The following SPTB variants were observed in gnomAD, a reference collection of about 807,000 sequenced individuals.
The protein encoded by SPTB is spectrin beta chain, erythrocytic.
In SPTB, 45 loss-of-function variants were observed where a neutral mutation model predicts 256.2. The observed-to-expected ratio is 0.18, with a 90% confidence interval of 0.14 to 0.23. The LOEUF is 0.23. SPTB is among the 10% of genes least tolerant of loss of function. SPTB has a pLI of 1.00. For missense variants in SPTB, 2,715 were observed against 3,040.4 expected (o/e 0.89, Z 2.52); for synonymous variants, 1,231 against 1,243.1 (o/e 0.99, Z 0.21).
Position 64,779,176 on chromosome 14 carries a change from A to C in SPTB, c.4544T>G (p.Leu1515Arg). ...DYGTNLQTVQLFMKKNQTLQN... is the reference protein window; with the variant it reads ...DYGTNLQTVQRFMKKNQTLQN... ...ACTCACCTGGTTCTTCTTCATGAAC[A>C]GTTGCACAGTTTGCAGATTAGTGCC... Residue 1515 changes from leucine (L) to arginine (R), a missense_variant, in exon 22 of 36, where the codon CTG (leucine) becomes CGG (arginine). Leu to Arg is a moderately radical substitution (Grantham distance 102, BLOSUM62 -2). Coordinates refer to ENST00000644917, the MANE Select transcript of SPTB (RefSeq NM_001355436.2). This position sits in a 1 kb window ranked among gnomAD's most constrained non-coding sequence, Gnocchi z 4.2. The C allele has an allele frequency of 1.2e-6, 2 of 1,614,048 alleles. No individual in the cohort carries two copies. The highest frequency in any genetic ancestry group is 1.7e-6 in the Non-Finnish European group (2 of 1,179,956).
chr14:64,871,951 T>C (rs1882555977), intron 1 of SPTB, among the ~76,000 whole-genome samples: 1 of 152,228 alleles, frequency 6.6e-6, no homozygotes, highest in African/African-American at 2.4e-5. Flanking sequence ...TTCTCCCATA[T>C]CTTAATCTCC....
At chr14:64,794,360 C>T in intron 13 of SPTB, 107 bp downstream of exon 13, 1 of 1,445,296 alleles carries the variant, frequency 6.9e-7, no homozygotes, top group Non-Finnish European at 9.6e-7. Context: ...ATGAAAGTAA[C>T]AGAACTTTAA....
intron 26 of SPTB, among the ~76,000 whole-genome samples, chr14:64,771,797 C>T (rs2082282752): frequency 6.6e-6 from 1 of 152,210 alleles, no homozygotes; most frequent in Non-Finnish European, 1.5e-5. Flanking sequence ...AGGACACTTC[C>T]CTAAGAGGTC....
chr14:64,830,115 C>T (rs1175025503), intron 1 of SPTB, among the ~76,000 whole-genome samples: 2 of 152,052 alleles, frequency 1.3e-5, no homozygotes, highest in African/African-American at 4.8e-5. Flanking sequence ...CTGCTTAACT[C>T]TATAGAACTT....
rs184925790 is a variant in SPTB at position 64,825,453 on chromosome 14, C to A, written c.-51-2308G>T. 9.7e-4 allele frequency among the ~76,000 whole-genome samples: 144 copies of A among 147,754 alleles called. No individual in the cohort carries two copies. Among genetic ancestry groups the A allele is most frequent in the Non-Finnish European group, 1.7e-3 (113 of 66,026 alleles). ...GATAGCCGGGAAAGATACCCCCCAC[C>A]CCCGGCCCCACACCTTTCTCTATTT... On this transcript the variant is annotated intron_variant, in intron 1 of 35. Coordinates refer to ENST00000644917, the MANE Select transcript of SPTB (RefSeq NM_001355436.2). The surrounding 1 kb of genome is among the most constrained non-coding windows in gnomAD (Gnocchi z 4.8).
chr14:64,786,258 G>A lies in SPTB; in HGVS notation c.3561+146C>T. On this transcript the variant is annotated intron_variant, in intron 16 of 35. Coordinates refer to ENST00000644917, the MANE Select transcript of SPTB (RefSeq NM_001355436.2). This position sits in a 1 kb window ranked among gnomAD's most constrained non-coding sequence, Gnocchi z 5.6. ...CACAAGGCTGGAAAAGGCCCCTAATGAGAAACAAAGATTTCCCCCATGAGT... is the reference window on the plus strand; with the variant it reads ...CACAAGGCTGGAAAAGGCCCCTAATAAGAAACAAAGATTTCCCCCATGAGT... 2 of 1,240,920 alleles carry A rather than the reference G, an allele frequency of 1.6e-6. No homozygotes were observed. The highest frequency in any genetic ancestry group is 2.4e-5 in the South Asian group (2 of 82,584). The allele number at this position is 1,240,920 out of a possible 1,614,324, so 76.9% of individuals were successfully genotyped here. A position where few individuals can be genotyped will look rare whatever the true frequency, so the allele number is the denominator to read the frequency against.
intron 33 of SPTB, among the ~76,000 whole-genome samples, chr14:64,751,611 C>T (rs966659416): frequency 2.0e-5 from 3 of 152,048 alleles, no homozygotes; most frequent in Non-Finnish European, 4.4e-5. Context: ...AGAACTATTA[C>T]GTCTTAAGAC....
rs1328129166 is a variant in SPTB, at chr14:64,759,231, G to A, written c.6346-5438C>T. On this transcript the variant is annotated intron_variant, in intron 32 of 35. Transcript: ENST00000644917. The surrounding 1 kb of genome is among the most constrained non-coding windows in gnomAD (Gnocchi z 4.8). ...AAGGGCACCACAGGTGGTGTGGGAA[G>A]GCAGGGAGCCAAGTAGCTAGGCAGG... 1.8e-5 allele frequency among the ~76,000 whole-genome samples: 2 copies of A among 109,036 alleles called. No individual in the cohort carries two copies. Among genetic ancestry groups the A allele is most frequent in the African/African-American group, 8.2e-5 (2 of 24,508 alleles). The allele number at this position is 109,036 out of a possible 152,430, so 71.5% of individuals were successfully genotyped here. A position where few individuals can be genotyped will look rare whatever the true frequency, so the allele number is the denominator to read the frequency against.
In SPTB at chr14:64,766,365, G is replaced by C. The variant is rs576578021; in HGVS notation, c.6345+361C>G. The stretch of plus-strand genomic sequence containing the variant: ...GAAGGAGTTGGAAAATGGGGAAAAG[G>C]ACGGTGTACAGAAATGCACTAATCA... On this transcript the variant is annotated intron_variant, in intron 32 of 35. Transcript: ENST00000644917. 44 of 1,275,212 alleles carry C rather than the reference G, an allele frequency of 3.5e-5. 1 individual carries two copies. The South Asian group carries it at 6.1e-4, about 18-fold the overall frequency. 79.0% of individuals were successfully genotyped at this position (1,275,212 alleles called of 1,614,324 possible). A position where few individuals can be genotyped will look rare whatever the true frequency, so the allele number is the denominator to read the frequency against.
Position 64,786,889 on chromosome 14 carries a change from G to A in SPTB, c.3076C>T (p.Pro1026Ser). 6.2e-7 allele frequency: 1 copy of A among 1,612,832 alleles called. No individual in the cohort carries two copies. Among genetic ancestry groups the A allele is most frequent in the Non-Finnish European group, 8.5e-7 (1 of 1,180,012 alleles). ...RESQQLMDSHPEQKEDIGQRQ... is the reference protein window; with the variant it reads ...RESQQLMDSHSEQKEDIGQRQ... ...TGACCAATATCCTCCTTCTGCTCAG[G>A]GTGCGAGTCCATCAGCTGCTGGGAC... The change falls in exon 16 of 36, where the codon CCT (proline) becomes TCT (serine). Residue 1026 changes from proline to serine, a missense_variant. Pro to Ser is a moderately conservative substitution (Grantham distance 74). Coordinates refer to ENST00000644917, the MANE Select transcript of SPTB (RefSeq NM_001355436.2). This position sits in a 1 kb window ranked among gnomAD's most constrained non-coding sequence, Gnocchi z 5.6.
At position 64,877,493 on chromosome 14, in the gene SPTB, TA is replaced by T. The variant is rs1333858388; in HGVS notation, c.-52+2298del. The stretch of plus-strand genomic sequence containing the variant: ...ATTAGCTGGGTAATATGAGGCAAGT[TA>T]TTTAATCTTCCTGAACCTGTTTCCT... On this transcript the variant is annotated intron_variant, in intron 1 of 35. Transcript: ENST00000644917. 3.9e-5 allele frequency among the ~76,000 whole-genome samples: 6 copies of T among 152,354 alleles called. No individual in the cohort carries two copies. The South Asian group carries it at 1.2e-3, about 32-fold the overall frequency.
chr14:64,795,431 A>G lies in SPTB; in HGVS notation c.1550T>C (p.Leu517Pro). Residue 517 changes from leucine to proline, a missense_variant, in exon 12 of 36, where the codon CTG becomes CCG. Leu to Pro is a moderately conservative substitution (Grantham distance 98). Coordinates refer to ENST00000644917, the MANE Select transcript of SPTB (RefSeq NM_001355436.2). This position sits in a 1 kb window ranked among gnomAD's most constrained non-coding sequence, Gnocchi z 6.5. The stretch of plus-strand genomic sequence containing the variant: ...CTCGAGCCTCTGGCGCCGGGACTGC[A>G]GCAGCTCCTGCAGGTAGCTCCATAG... ...LRLWSYLQEL[L>P]QSRRQRLETT... 6.2e-7 allele frequency: 1 copy of G among 1,614,204 alleles called. No homozygotes were observed. Among genetic ancestry groups the G allele is most frequent in the Non-Finnish European group, 8.5e-7 (1 of 1,180,022 alleles).
Position 64,749,961 on chromosome 14 carries a change from AAAGGCCAGG to A in SPTB, c.6776+11_6776+19del. 1 of 1,614,186 alleles carries A rather than the reference AAAGGCCAGG, an allele frequency of 6.2e-7. No homozygotes were observed. The highest frequency in any genetic ancestry group is 1.1e-5 in the South Asian group (1 of 91,092). On this transcript the variant is annotated intron_variant, in intron 34 of 35. Coordinates refer to ENST00000644917, the MANE Select transcript of SPTB (RefSeq NM_001355436.2). This position sits in a 1 kb window ranked among gnomAD's most constrained non-coding sequence, Gnocchi z 4.7. ...AATCAAGCCATCAACCCGAGCTTTC[AAAGGCCAGG>A]AAGGCCTCACCTCAGCTTAAAGACG...
intron 1 of SPTB, among the ~76,000 whole-genome samples, chr14:64,857,515 CTGCAGTGAGCCATAA>C (rs2083891972): frequency 7.3e-6 from 1 of 136,428 alleles, no homozygotes; most frequent in Non-Finnish European, 1.5e-5. Flanking sequence ...GAAGTTGAGG[CTGCAGTGAGCCATAA>C]TCACACCACT....
rs185598358 is a variant in SPTB at position 64,748,738 on chromosome 14, A to C, written c.*568T>G. On this transcript the variant is annotated 3_prime_UTR_variant, in exon 36 of 36. Transcript: ENST00000644917. ...CCCAGTCTGGTCCCCTCAGCCCCCC[A>C]GAGCCCCTGGCCCAGAGCTAGGGCT... is the stretch of plus-strand genomic sequence containing the variant. The C allele has an allele frequency of 1.3e-5, 2 of 154,658 alleles. No individual in the cohort carries two copies. The highest frequency in any genetic ancestry group is 4.8e-5 in the African/African-American group (2 of 41,592). The allele number at this position is 154,658 out of a possible 1,614,324, so 9.6% of individuals were successfully genotyped here.
At position 64,785,707 on chromosome 14, in the gene SPTB, G is replaced by A. The variant is rs202231916; in HGVS notation, c.3764+42C>T. The A allele has an allele frequency of 3.3e-5, 54 of 1,612,720 alleles. 1 individual carries two copies. Among genetic ancestry groups the A allele is most frequent in the Middle Eastern group, 1.6e-4 (1 of 6,082 alleles). On this transcript the variant is annotated intron_variant, in intron 17 of 35. Coordinates refer to ENST00000644917, the MANE Select transcript of SPTB (RefSeq NM_001355436.2). This position sits in a 1 kb window ranked among gnomAD's most constrained non-coding sequence, Gnocchi z 4.4. ...CAAGCTTGGGGTCCTCACTACCCCC[G>A]TGTGGCTCTGGGGGCCTCGTGGCCC...
intron 2 of SPTB, among the ~76,000 whole-genome samples, chr14:64,817,851 C>T (rs947718242): frequency 1.4e-4 from 21 of 152,210 alleles, no homozygotes; most frequent in African/African-American, 3.6e-4. Flanking sequence ...CAGCAGCATC[C>T]GAGGAATGTC....
rs2082899012 is a variant in SPTB, at chr14:64,802,171, G to C, written c.566+55C>G. ...TGTCCCTCTGGAGATGGCAGTGCTT[G>C]TGCGGAGCAAGGGGCTGGTGGTGGA... On this transcript the variant is annotated intron_variant, in intron 5 of 35. Transcript: ENST00000644917. The surrounding 1 kb of genome is among the most constrained non-coding windows in gnomAD (Gnocchi z 5.1). 3.9e-6 allele frequency: 6 copies of C among 1,531,594 alleles called. No individual in the cohort carries two copies. In the South Asian group the frequency reaches 6.7e-5, roughly 17 times the overall value. The allele number at this position is 1,531,594 out of a possible 1,614,324, so 94.9% of individuals were successfully genotyped here.
rs1388745080 is a variant in SPTB at position 64,786,462 on chromosome 14, A to G, written c.3503T>C (p.Leu1168Pro). 6.2e-7 allele frequency: 1 copy of G among 1,614,126 alleles called. No homozygotes were observed. The highest frequency in any genetic ancestry group is 1.7e-5 in the Admixed American group (1 of 60,016). ...ESRSHTLAQC[L>P]GFQEFQKDAK... The stretch of plus-strand genomic sequence containing the variant: ...ATCTTTCTGGAACTCCTGGAAGCCA[A>G]GGCACTGAGCGAGGGTGTGGCTGCG... The change falls in exon 16 of 36, where the codon CTT becomes CCT. Residue 1168 changes from leucine (L) to proline (P), a missense_variant. Around this residue, in one of 4 missense-constraint regions of SPTB, gnomAD observed 2,239 missense variants for 2,384.4 expected, o/e 0.94. Transcript: ENST00000644917. The surrounding 1 kb of genome is among the most constrained non-coding windows in gnomAD (Gnocchi z 5.6).
Sources: gnomAD v4.1 joint callset for allele counts (sites outside exome capture counted in the v4.1 genomes callset) on GRCh38, gnomAD v4.1.1 for gene constraint, gnomAD v4.1.1 regional missense constraint, Gnocchi (gnomAD v3.1) non-coding constraint, MANE v1.5 for transcripts, NCBI Gene and HGNC (gene_info 2026-07-23, HGNC 2026-07-21) for gene names.